The following TJP1 variants were observed in gnomAD, a reference collection of about 807,000 sequenced individuals.
The protein encoded by TJP1 is tight junction protein ZO-1.
In TJP1, 43 loss-of-function variants were observed where a neutral mutation model predicts 194.2. That is an observed-to-expected ratio of 0.22 (90% CI 0.17 to 0.29). The LOEUF is 0.29. TJP1 is among the 10% of genes least tolerant of loss of function. The pLI, the probability that TJP1 is intolerant of heterozygous loss-of-function variation, is 1.00. For synonymous variants in TJP1, 801 were observed against 779.0 expected (o/e 1.03, Z -0.47); for missense variants, 1,971 against 2,185.7 (o/e 0.90, Z 1.96).
Position 29,742,788 on chromosome 15 carries a change from G to A in TJP1, c.1011-7C>T. On this transcript the variant is annotated splice_region_variant and splice_polypyrimidine_tract_variant and intron_variant, in intron 8 of 27. Transcript: ENST00000614355. ...TTCATCTCTACTCCGGAGACTGTGT[G>A]TCATTAAAATAAAAAATCAAGAGCA... The A allele has an allele frequency of 6.4e-7, 1 of 1,569,758 alleles. No homozygotes were observed. The highest frequency in any genetic ancestry group is 8.6e-7 in the Non-Finnish European group (1 of 1,163,450).
intron 2 of TJP1, among the ~76,000 whole-genome samples, chr15:29,856,256 G>A (rs1390919436): frequency 6.6e-6 from 1 of 152,100 alleles, no homozygotes. Context: ...AAAAAAAAAT[G>A]AGGCTTTCCT....
chr15:29,949,533 C>T (rs2055502735), intron 2 of TJP1, among the ~76,000 whole-genome samples: 4 of 138,464 alleles, frequency 2.9e-5, no homozygotes, highest in South Asian at 2.4e-4. Context: ...ACCACCACCT[C>T]CACCACCACC....
intron 2 of TJP1, among the ~76,000 whole-genome samples, chr15:29,829,104 A>G (rs537872476): frequency 3.4e-4 from 52 of 152,234 alleles, no homozygotes; most frequent in African/African-American, 1.2e-3. Flanking sequence ...GTTAAGTACA[A>G]TTTGTTTCAG....
intron 10 of TJP1, 181 bp downstream of exon 10, chr15:29,741,150 G>T: frequency 2.1e-6 from 1 of 476,964 alleles, no homozygotes; most frequent in Non-Finnish European, 3.6e-6. Flanking sequence ...TTCCTTTGTT[G>T]TCTAATTTCT....
At chr15:29,880,071 T>C (rs549882936) in intron 2 of TJP1, among the ~76,000 whole-genome samples, 2 of 152,366 alleles carry the variant, frequency 1.3e-5, no homozygotes, top group South Asian at 4.1e-4. Flanking sequence ...TGAGAGCTTT[T>C]ACTATATAAT....
Position 29,883,728 on chromosome 15 carries a change from A to C in TJP1, c.306+72504T>G, listed in dbSNP as rs189732591. On this transcript the variant is annotated intron_variant, in intron 2 of 28. Transcript: ENST00000356107. ...TAATTGTGAGGTTATGGCTTTCAGA[A>C]AAGAAAAGAAAAGAAAATGCCTGTA... Among the ~76,000 whole-genome samples the C allele has an allele frequency of 2.0e-5, 3 of 152,218 alleles. No homozygotes were observed. The East Asian group carries it at 5.8e-4, about 29-fold the overall frequency.
At chr15:29,837,186 ATAGTAATTAATAGTAGAAC>A (rs1166930016) in intron 2 of TJP1, among the ~76,000 whole-genome samples, 4 of 152,262 alleles carry the variant, frequency 2.6e-5, no homozygotes, top group Admixed American at 6.5e-5. Flanking sequence ...CTAGTTAATG[ATAGTAATTAATAGTAGAAC>A]AAATTAAGCA....
At chr15:29,812,867 CTT>C (rs1367441276) in intron 1 of TJP1, among the ~76,000 whole-genome samples, 1 of 152,152 alleles carries the variant, frequency 6.6e-6, no homozygotes, top group African/African-American at 2.4e-5. Flanking sequence ...ATTTCTCACA[CTT>C]ATAACTAAAA....
intron 8 of TJP1, among the ~76,000 whole-genome samples, chr15:29,751,781 G>A (rs1595756333): frequency 1.3e-5 from 2 of 152,266 alleles, no homozygotes; most frequent in East Asian, 1.9e-4. Flanking sequence ...TAAAAAATCT[G>A]CAAATAAGTT....
chr15:29,718,156 C>G lies in TJP1; in HGVS notation c.3877-38G>C. ...AAAAAAAAAAAAAAGACAAATATGC[C>G]TAAGGAACAGATAATTAACAGAATA... On this transcript the variant is annotated intron_variant, in intron 21 of 27. Coordinates refer to ENST00000614355, the MANE Select transcript of TJP1 (RefSeq NM_001330239.4). 1.9e-6 allele frequency: 3 copies of G among 1,573,096 alleles called. No homozygotes were observed. In the South Asian group the frequency reaches 3.5e-5, roughly 18 times the overall value.
chr15:29,706,065 G>T (rs2041877881), intron 25 of TJP1, among the ~76,000 whole-genome samples: 1 of 152,102 alleles, frequency 6.6e-6, no homozygotes, highest in African/African-American at 2.4e-5. Flanking sequence ...CCATGTAGCT[G>T]GGACTACAGG....
At chr15:29,729,118 T>A (rs1041871702) in intron 15 of TJP1, 2 of 152,148 alleles carry the variant, frequency 1.3e-5, no homozygotes, top group Non-Finnish European at 2.9e-5. Context: ...TACCACCAAC[T>A]TCCTTCAGGT....
intron 2 of TJP1, among the ~76,000 whole-genome samples, chr15:29,928,119 A>C (rs2054581955): frequency 6.6e-6 from 1 of 152,192 alleles, no homozygotes. Flanking sequence ...ATATAGAAAA[A>C]AAAAACCACT....
At chr15:29,949,414 CTCT>C (rs2055462487) in intron 2 of TJP1, among the ~76,000 whole-genome samples, 1 of 138,640 alleles carries the variant, frequency 7.2e-6, no homozygotes, top group Non-Finnish European at 1.6e-5. Flanking sequence ...CAACCACCAC[CTCT>C]ACCTCCACAA....
At chr15:29,830,430 AACATTACCAT>A (rs1266253317) in intron 2 of TJP1, among the ~76,000 whole-genome samples, 1 of 150,378 alleles carries the variant, frequency 6.6e-6, no homozygotes, top group East Asian at 1.9e-4. Flanking sequence ...AATTTATATG[AACATTACCAT>A]ACTATGTATA....
At chr15:29,868,153 G>T (rs550350039) in intron 2 of TJP1, among the ~76,000 whole-genome samples, 6 of 151,912 alleles carry the variant, frequency 3.9e-5, no homozygotes, top group African/African-American at 7.3e-5. Context: ...GAGCCTATAA[G>T]TTCAAAGTTA....
intron 1 of TJP1, among the ~76,000 whole-genome samples, chr15:29,806,329 C>T (rs1225528089): frequency 6.6e-6 from 1 of 152,150 alleles, no homozygotes; most frequent in Non-Finnish European, 1.5e-5. Context: ...GGAGCTAATA[C>T]AAAACACTAC....
At chr15:29,836,739 A>G (rs2051046712) in intron 2 of TJP1, among the ~76,000 whole-genome samples, 1 of 152,206 alleles carries the variant, frequency 6.6e-6, no homozygotes, top group South Asian at 2.1e-4. Context: ...TAAGTCATGG[A>G]GACAGAGCCC....
chr15:29,952,206 A>C (rs1300070895), intron 2 of TJP1, among the ~76,000 whole-genome samples: 1 of 152,208 alleles, frequency 6.6e-6, no homozygotes, highest in Admixed American at 6.5e-5. Flanking sequence ...ACAACATTGA[A>C]GAAGGGCTCA....
Sources: allele counts gnomAD v4.1 joint callset (sites outside exome capture counted in the v4.1 genomes callset), GRCh38; gene constraint gnomAD v4.1.1; transcripts MANE v1.5; gene names NCBI Gene and HGNC (gene_info 2026-07-23, HGNC 2026-07-21).